AKAP10: variants seen among roughly 807,000 people sequenced by gnomAD.
AKAP10 encodes the protein A-kinase anchor protein 10, mitochondrial.
In AKAP10, 24 loss-of-function variants were observed where a neutral mutation model predicts 80.8. That is an observed-to-expected ratio of 0.30 (90% CI 0.22 to 0.42). AKAP10 has a LOEUF of 0.42. AKAP10 is among the 10% of genes least tolerant of loss of function. AKAP10 has a pLI of 1.00. For synonymous variants in AKAP10, 291 were observed against 277.7 expected, an observed-to-expected ratio of 1.05 and a Z score of -0.48; for missense variants, 661 against 794.9, an observed-to-expected ratio of 0.83 and a Z score of 2.03.
intron 4 of AKAP10, among the ~76,000 whole-genome samples, chr17:19,951,431 G>A (rs1170110385): frequency 4.6e-5 from 7 of 152,372 alleles, no homozygotes; most frequent in African/African-American, 9.6e-5. Context: ...CCATGATGAC[G>A]ATGGCAGTTT....
At chr17:19,954,921 T>C (rs1201388045) in intron 4 of AKAP10, among the ~76,000 whole-genome samples, 3 of 146,128 alleles carry the variant, frequency 2.1e-5, no homozygotes. Flanking sequence ...AATGTAAATT[T>C]AAAAAAAAAA....
At chr17:19,971,381 TG>T (rs1178249443) in intron 1 of AKAP10, among the ~76,000 whole-genome samples, 1 of 151,636 alleles carries the variant, frequency 6.6e-6, no homozygotes, top group African/African-American at 2.4e-5. Context: ...TGGTGGTGCA[TG>T]CCTGTAATCC....
chr17:19,960,690 G>A (rs1287718854), intron 3 of AKAP10, among the ~76,000 whole-genome samples: 1 of 152,162 alleles, frequency 6.6e-6, no homozygotes, highest in Non-Finnish European at 1.5e-5. Flanking sequence ...TAAATACAGA[G>A]TGCAACTGCT....
At chr17:19,939,286 C>T (rs2043027192) in intron 8 of AKAP10, among the ~76,000 whole-genome samples, 1 of 152,104 alleles carries the variant, frequency 6.6e-6, no homozygotes, top group African/African-American at 2.4e-5. Flanking sequence ...CCAATTAGTA[C>T]CAGCATCCTC....
intron 3 of AKAP10, 69 bp from the exon 4 acceptor site, chr17:19,958,640 C>CTGA: frequency 7.3e-7 from 1 of 1,363,110 alleles, no homozygotes; most frequent in Non-Finnish European, 9.9e-7. Context: ...ATTAGTCAAT[C>CTGA]ACTTTTAGCA....
At chr17:19,940,324 A>C (rs1302013816) in intron 7 of AKAP10, among the ~76,000 whole-genome samples, 1 of 152,230 alleles carries the variant, frequency 6.6e-6, no homozygotes, top group Non-Finnish European at 1.5e-5. Flanking sequence ...TCGAGTGTCT[A>C]AATTACTGCT....
At chr17:19,919,923 G>A (rs1597492110) in intron 12 of AKAP10, 113 bp downstream of exon 12, 1 of 816,096 alleles carries the variant, frequency 1.2e-6, no homozygotes, top group East Asian at 2.7e-5. Flanking sequence ...CAAGGTGAAA[G>A]ATACAGTGGT....
intron 12 of AKAP10, among the ~76,000 whole-genome samples, chr17:19,910,929 T>C (rs2042683372): frequency 6.6e-6 from 1 of 152,220 alleles, no homozygotes. Context: ...TCTATTTCTA[T>C]GAATGAAATA....
chr17:19,919,010 T>G (rs1329121139), intron 12 of AKAP10, among the ~76,000 whole-genome samples: 1 of 152,164 alleles, frequency 6.6e-6, no homozygotes, highest in East Asian at 1.9e-4. Context: ...ATGTACCATG[T>G]TGGTGTGCTG....
At chr17:19,964,158 G>A (rs564021042) in intron 2 of AKAP10, among the ~76,000 whole-genome samples, 7 of 152,104 alleles carry the variant, frequency 4.6e-5, no homozygotes, top group African/African-American at 1.4e-4. Context: ...GCCAGTTTTC[G>A]TGTTCAGACA....
chr17:19,944,054 G>A (rs2043078271), intron 5 of AKAP10, among the ~76,000 whole-genome samples: 1 of 151,304 alleles, frequency 6.6e-6, no homozygotes, highest in South Asian at 2.1e-4. Flanking sequence ...TCTCTTTGCT[G>A]AGGACTTTGC....
At chr17:19,959,276 ATT>A in intron 3 of AKAP10, among the ~76,000 whole-genome samples, 1 of 152,316 alleles carries the variant, frequency 6.6e-6, no homozygotes, top group South Asian at 2.1e-4. Flanking sequence ...CATAAAATGC[ATT>A]TTTGTCTGTC....
chr17:19,920,556 A>G (rs1292534589), intron 11 of AKAP10, among the ~76,000 whole-genome samples: 1 of 152,144 alleles, frequency 6.6e-6, no homozygotes, highest in African/African-American at 2.4e-5. Flanking sequence ...TAAAAAGCAA[A>G]AAGTGGCTAG....
intron 4 of AKAP10, among the ~76,000 whole-genome samples, chr17:19,954,209 C>G (rs533627649): frequency 1.3e-5 from 2 of 152,242 alleles, no homozygotes; most frequent in East Asian, 3.9e-4. Flanking sequence ...TTAAGACTTA[C>G]TATACAGTAA....
intron 1 of AKAP10, among the ~76,000 whole-genome samples, chr17:19,975,159 TGGGACCAC>T (rs1457629220): frequency 6.6e-6 from 1 of 152,206 alleles, no homozygotes; most frequent in African/African-American, 2.4e-5. Flanking sequence ...CCTGAGTAGC[TGGGACCAC>T]AGGTGTGCAC....
intron 11 of AKAP10, among the ~76,000 whole-genome samples, chr17:19,923,104 G>A (rs147455253): frequency 2.7e-4 from 41 of 152,190 alleles, no homozygotes; most frequent in Non-Finnish European, 5.1e-4. Context: ...TTGAGACAGA[G>A]TCTTACTCTG....
Position 19,957,534 on chromosome 17 carries a change from C to CA in AKAP10, c.877+479dup, listed in dbSNP as rs56795429. Reference sequence around the variant, plus strand: ...TGGGCGACAGAGCAAGACTCCATCTCAAAAAAAAAAAGATAATCATGCCTA... The same window carrying CA: ...TGGGCGACAGAGCAAGACTCCATCTCAAAAAAAAAAAAGATAATCATGCCTA... On this transcript the variant is annotated intron_variant, in intron 4 of 14. Transcript: ENST00000225737. Among the ~76,000 whole-genome samples, 233 of 147,578 alleles carry CA rather than the reference C, an allele frequency of 1.6e-3. 1 individual carries two copies. Among genetic ancestry groups the CA allele is most frequent in the Non-Finnish European group, 1.4e-3 (92 of 66,548 alleles).
intron 1 of AKAP10, among the ~76,000 whole-genome samples, chr17:19,974,243 T>A (rs1703628597): frequency 6.6e-6 from 1 of 152,156 alleles, no homozygotes; most frequent in South Asian, 2.1e-4. Context: ...GAAAAACTGA[T>A]GAGCAGGTTT....
intron 3 of AKAP10, among the ~76,000 whole-genome samples, chr17:19,959,291 A>G (rs1007215978): frequency 6.6e-6 from 1 of 152,250 alleles, no homozygotes; most frequent in Admixed American, 6.5e-5. Flanking sequence ...TGTCTGTCAA[A>G]TTAGATTTTT....
Sources: allele counts gnomAD v4.1 joint callset (sites outside exome capture counted in the v4.1 genomes callset), GRCh38; gene constraint gnomAD v4.1.1; transcripts MANE v1.5; gene names NCBI Gene and HGNC (gene_info 2026-07-23, HGNC 2026-07-21).